The following KLHL29 variants were observed in gnomAD, a reference collection of about 807,000 sequenced individuals.
KLHL29 encodes the protein kelch-like protein 29.
KLHL29 carries 21 observed loss-of-function variants against 80.4 expected under a neutral mutation model. The observed-to-expected ratio is 0.26, with a 90% CI of 0.19 to 0.38. The LOEUF is 0.38. KLHL29 is among the 10% of genes least tolerant of loss of function. KLHL29 has a pLI of 1.00. For missense variants in KLHL29, 867 were observed against 1,223.9 expected (o/e 0.71, Z 4.35); for synonymous variants, 511 against 526.8 (o/e 0.97, Z 0.41).
intron 2 of KLHL29, among the ~76,000 whole-genome samples, chr2:23,504,122 C>T (rs2103456914): frequency 6.6e-6 from 1 of 152,214 alleles, no homozygotes; most frequent in Admixed American, 6.5e-5. Flanking sequence ...AATCCCAGGT[C>T]ATCAAGGGAA....
At chr2:23,548,108 G>A (rs574011446) in intron 2 of KLHL29, among the ~76,000 whole-genome samples, 18 of 152,326 alleles carry the variant, frequency 1.2e-4, no homozygotes, top group Admixed American at 6.5e-4. Flanking sequence ...GAGATAAGGA[G>A]CAGGCAGGCC....
At chr2:23,496,639 G>C (rs1325394918) in intron 2 of KLHL29, among the ~76,000 whole-genome samples, 1 of 152,224 alleles carries the variant, frequency 6.6e-6, no homozygotes, top group South Asian at 2.1e-4. Context: ...GGCCTCAGTG[G>C]CCTCCAGATT....
chr2:23,516,983 C>T (rs1433147920), intron 2 of KLHL29, among the ~76,000 whole-genome samples: 1 of 152,206 alleles, frequency 6.6e-6, no homozygotes, highest in Non-Finnish European at 1.5e-5. Context: ...ACGGACGTGC[C>T]TGGGAGCAAG....
chr2:23,652,729 C>T (rs1231491134), intron 5 of KLHL29, among the ~76,000 whole-genome samples: 4 of 152,204 alleles, frequency 2.6e-5, no homozygotes, highest in Non-Finnish European at 4.4e-5. Context: ...TTAAAACACA[C>T]GTTTATACAC....
At chr2:23,674,653 A>G (rs1173617524) in intron 5 of KLHL29, among the ~76,000 whole-genome samples, 1 of 152,190 alleles carries the variant, frequency 6.6e-6, no homozygotes, top group Non-Finnish European at 1.5e-5. Context: ...ACATGAAGAC[A>G]TGGAGGGCTA....
intron 2 of KLHL29, among the ~76,000 whole-genome samples, chr2:23,489,721 C>A (rs1308611758): frequency 6.6e-6 from 1 of 151,784 alleles, no homozygotes; most frequent in African/African-American, 2.4e-5. Flanking sequence ...ATGTGCCTGG[C>A]CCCTGCAACA....
At chr2:23,394,328 A>C (rs1382747373) in intron 1 of KLHL29, among the ~76,000 whole-genome samples, 2 of 152,162 alleles carry the variant, frequency 1.3e-5, no homozygotes, top group Non-Finnish European at 2.9e-5. Flanking sequence ...GGAGCTTCTA[A>C]ATGAGGGTAG....
intron 1 of KLHL29, among the ~76,000 whole-genome samples, chr2:23,404,645 T>C (rs1258394233): frequency 6.6e-6 from 1 of 151,982 alleles, no homozygotes; most frequent in Non-Finnish European, 1.5e-5. Flanking sequence ...GGAAGGAGAG[T>C]GTTCTGCAGA....
chr2:23,412,454 G>T (rs1167806245), intron 1 of KLHL29, among the ~76,000 whole-genome samples: 1 of 152,182 alleles, frequency 6.6e-6, no homozygotes, highest in East Asian at 1.9e-4. Flanking sequence ...TGCTGGATAT[G>T]CAGGTGGGCT....
At chr2:23,510,866 C>T (rs535286683) in intron 2 of KLHL29, among the ~76,000 whole-genome samples, 6 of 152,134 alleles carry the variant, frequency 3.9e-5, no homozygotes, top group Non-Finnish European at 8.8e-5. Context: ...GGGGACAGCA[C>T]GTCACTGCCC....
intron 3 of KLHL29, among the ~76,000 whole-genome samples, chr2:23,579,886 G>A (rs942713557): frequency 6.6e-6 from 1 of 152,190 alleles, no homozygotes; most frequent in African/African-American, 2.4e-5. Flanking sequence ...GGTGAGTTCA[G>A]CTGGAGCATG....
At chr2:23,693,217 G>A in intron 7 of KLHL29, 52 bp from the exon 8 acceptor site, 9 of 1,507,314 alleles carry the variant, frequency 6.0e-6, no homozygotes, top group Non-Finnish European at 7.1e-6. Flanking sequence ...GGGAACAGGT[G>A]GCAACTGCTT....
chr2:23,593,424 G>T (rs965435819), intron 3 of KLHL29, among the ~76,000 whole-genome samples: 1 of 152,172 alleles, frequency 6.6e-6, no homozygotes, highest in African/African-American at 2.4e-5. Flanking sequence ...TAGCTGCACA[G>T]CCCTTTTACT....
At chr2:23,691,399 C>G (rs1671591122) in intron 6 of KLHL29, 1 of 502,860 alleles carries the variant, frequency 2.0e-6, no homozygotes, top group Non-Finnish European at 3.6e-6. Context: ...GTCCTCGTCC[C>G]CATCCATAGC....
chr2:23,480,499 C>A (rs12986475), intron 2 of KLHL29, among the ~76,000 whole-genome samples: 169 of 151,592 alleles, frequency 1.1e-3, no homozygotes, highest in Middle Eastern at 3.4e-3. Flanking sequence ...CAAAAAAAAA[C>A]AAAAAAAAAC....
chr2:23,492,143 C>T (rs1297122978), intron 2 of KLHL29, among the ~76,000 whole-genome samples: 1 of 152,206 alleles, frequency 6.6e-6, no homozygotes. Flanking sequence ...GTTCCAGACA[C>T]CTGTGCTGAA....
chr2:23,476,483 G>A (rs1207072800), intron 2 of KLHL29, among the ~76,000 whole-genome samples: 1 of 152,030 alleles, frequency 6.6e-6, no homozygotes, highest in Non-Finnish European at 1.5e-5. Context: ...AGTGCACACA[G>A]GATCTGACTG....
intron 3 of KLHL29, among the ~76,000 whole-genome samples, chr2:23,595,260 G>A (rs530919052): frequency 2.6e-5 from 4 of 152,202 alleles, no homozygotes; most frequent in East Asian, 1.9e-4. Flanking sequence ...TTCCTGCAAC[G>A]TCATTTGCCT....
chr2:23,463,949 T>C (rs1277142895), intron 1 of KLHL29, among the ~76,000 whole-genome samples: 1 of 152,220 alleles, frequency 6.6e-6, no homozygotes, highest in Non-Finnish European at 1.5e-5. Flanking sequence ...ATGTGTATTC[T>C]CTCCATCTGG....
Sources: allele counts gnomAD v4.1 joint callset (sites outside exome capture counted in the v4.1 genomes callset), GRCh38; gene constraint gnomAD v4.1.1; transcripts MANE v1.5; gene names NCBI Gene and HGNC (gene_info 2026-07-23, HGNC 2026-07-21).